The following MMACHC variants were observed in gnomAD, a reference collection of about 807,000 sequenced individuals.
The protein encoded by MMACHC is metabolism of cobalamin associated C.
MMACHC carries 14 observed loss-of-function variants against 17.6 expected under a neutral mutation model. The observed-to-expected ratio is 0.80, with a 90% CI of 0.53 to 1.25. The LOEUF (loss-of-function observed/expected upper bound fraction) is 1.25. MMACHC is among the 50% of genes most tolerant of loss of function. MMACHC has a pLI of 0.00. For missense variants in MMACHC, 392 were observed against 364.5 expected (o/e 1.08, Z -0.62); for synonymous variants, 151 against 142.1 (o/e 1.06, Z -0.45).
intron 2 of MMACHC, among the ~76,000 whole-genome samples, chr1:45,507,913 G>A (rs1029330759): frequency 6.6e-6 from 1 of 152,200 alleles, no homozygotes; most frequent in African/African-American, 2.4e-5. Context: ...TTTGAGGACA[G>A]AACAATATTC....
intron 2 of MMACHC, 69 bp downstream of exon 2, chr1:45,507,619 C>T (rs1300152626): frequency 6.5e-7 from 1 of 1,544,374 alleles, no homozygotes; most frequent in Non-Finnish European, 8.9e-7. Context: ...ACACTCAATG[C>T]AGGATCTAGA....
Position 45,508,318 on chromosome 1 carries a change from A to T in MMACHC, c.383A>T (p.Tyr128Phe). The change falls in exon 3 of 4, where the codon TAC becomes TTC. Residue 128 changes from tyrosine (Y) to phenylalanine (F), a missense_variant. By Grantham distance (22) the Tyr-to-Phe change is conservative. Transcript: ENST00000401061. ...GCAGCCCATGTAGCTGGGGCTGCTT[A>T]CTACTACCAACGACAAGATGTGGAG... ...QTAAHVAGAA[Y>F]YYQRQDVEAD... 7 of 1,614,080 alleles carry T rather than the reference A, an allele frequency of 4.3e-6. No individual in the cohort carries two copies. The highest frequency in any genetic ancestry group is 5.9e-6 in the Non-Finnish European group (7 of 1,179,934).
chr1:45,512,978 T>C lies in MMACHC; in HGVS notation c.*3763T>C, dbSNP rs1391629061. On this transcript the variant is annotated 3_prime_UTR_variant, in exon 4 of 4. Transcript: ENST00000401061. ...CCAAACATACACCACTAATCCAGAC[T>C]CTAATAACTTCATTTCCTTTAAATT... 3 of 152,114 alleles carry C rather than the reference T, an allele frequency of 2.0e-5. No individual in the cohort carries two copies. Among genetic ancestry groups the C allele is most frequent in the African/African-American group, 7.2e-5 (3 of 41,416 alleles). The allele number at this position is 152,114 out of a possible 1,614,324, so 9.4% of individuals were successfully genotyped here.
At chr1:45,505,137 A>AAG (rs1553162646) in intron 1 of MMACHC, among the ~76,000 whole-genome samples, 2 of 147,114 alleles carry the variant, frequency 1.4e-5, no homozygotes, top group Non-Finnish European at 3.0e-5. Flanking sequence ...AAAAAAAAAA[A>AAG]GGGCCGTTTT....
intron 1 of MMACHC, 144 bp downstream of exon 1, chr1:45,500,557 G>A: frequency 6.0e-6 from 5 of 833,802 alleles, no homozygotes; most frequent in South Asian, 5.6e-5. Flanking sequence ...TTCAGTGGGG[G>A]CTTGGGTTAA....
Position 45,508,896 on chromosome 1 carries a change from GA to G in MMACHC, c.534del (p.Lys178AsnfsTer32), listed in dbSNP as rs2149323872. 2 of 1,614,184 alleles carry G rather than the reference GA, an allele frequency of 1.2e-6. No homozygotes were observed. Among genetic ancestry groups the G allele is most frequent in the Non-Finnish European group, 1.7e-6 (2 of 1,180,038 alleles). On this transcript the variant is annotated frameshift_variant, in exon 4 of 4. Transcript: ENST00000401061. LOFTEE classifies it low-confidence loss of function (END_TRUNC). ...PGIEVPDLPP[R>X]KPHDCVPTRA... ...ATAGAGGTGCCAGATCTGCCACCCA[GA>G]AAACCTCATGACTGTGTACCTACAA...
At position 45,508,984 on chromosome 1, in the gene MMACHC, G is replaced by A. The variant is rs1261921629; in HGVS notation, c.618G>A (p.Arg206=). 2.5e-6 allele frequency: 4 copies of A among 1,614,186 alleles called. No individual in the cohort carries two copies. The highest frequency in any genetic ancestry group is 2.5e-6 in the Non-Finnish European group (3 of 1,180,040). ...FNFHWRDWTY[R]DAVTPQERYS... ...TCCACTGGCGTGATTGGACTTACCG[G>A]GATGCTGTGACACCCCAGGAGCGCT... is the stretch of plus-strand genomic sequence containing the variant. The change falls in exon 4 of 4, where the codon CGG becomes CGA. Residue 206 remains arginine, a synonymous_variant. Transcript: ENST00000401061.
At chr1:45,506,016 G>A (rs1399980538) in intron 1 of MMACHC, among the ~76,000 whole-genome samples, 1 of 152,142 alleles carries the variant, frequency 6.6e-6, no homozygotes. Flanking sequence ...AGATGCTCTG[G>A]ATATAGTAAA....
chr1:45,509,321 G>C lies in MMACHC; in HGVS notation c.*106G>C, dbSNP rs941271584. The C allele has an allele frequency of 7.5e-7, 1 of 1,328,386 alleles. No homozygotes were observed. The highest frequency in any genetic ancestry group is 1.5e-5 in the African/African-American group (1 of 67,872). 82.3% of individuals were successfully genotyped at this position (1,328,386 alleles called of 1,614,324 possible). On this transcript the variant is annotated 3_prime_UTR_variant, in exon 4 of 4. Transcript: ENST00000401061. ...CAAGATTACTATTTTTGATAATATA[G>C]TAGAGATCTTCCATGAAGATAACAA... is the stretch of plus-strand genomic sequence containing the variant.
Position 45,507,438 on chromosome 1 carries a change from C to T in MMACHC, c.164C>T (p.Thr55Met), listed in dbSNP as rs375330130. The change falls in exon 2 of 4, where the codon ACG becomes ATG. Residue 55 changes from threonine to methionine, a missense_variant. Physicochemically the swap from Thr to Met is moderately conservative, Grantham distance 81. Coordinates refer to ENST00000401061, the MANE Select transcript of MMACHC (RefSeq NM_015506.3). Reference sequence around the variant, plus strand: ...ACCCTGGCCTTCCTGGTACTCAGCACGCCTGCCATGTTTGACCGGGCCCTC... The same window carrying T: ...ACCCTGGCCTTCCTGGTACTCAGCATGCCTGCCATGTTTGACCGGGCCCTC... ...GPTLAFLVLS[T>M]PAMFDRALKP... 1.7e-5 allele frequency: 27 copies of T among 1,614,056 alleles called. No homozygotes were observed. Among genetic ancestry groups the T allele is most frequent in the African/African-American group, 6.7e-5 (5 of 74,908 alleles).
chr1:45,501,730 G>A (rs1251535251), intron 1 of MMACHC, among the ~76,000 whole-genome samples: 1 of 152,140 alleles, frequency 6.6e-6, no homozygotes, highest in Non-Finnish European at 1.5e-5. Context: ...GTGTGGGAGA[G>A]TGAGAATGCC....
chr1:45,505,347 C>T (rs1264582010), intron 1 of MMACHC, among the ~76,000 whole-genome samples: 1 of 151,960 alleles, frequency 6.6e-6, no homozygotes, highest in East Asian at 1.9e-4. Context: ...ACTTGGGAGG[C>T]TGAGACAGGA....
In MMACHC at chr1:45,508,208, C is replaced by T; in HGVS notation, c.277-4C>T. On this transcript the variant is annotated splice_region_variant and splice_polypyrimidine_tract_variant and intron_variant, in intron 2 of 3. Transcript: ENST00000401061. ...AGTACCCTCTATTTTGTCCACTGTT[C>T]CAGAGCCTCCCAGAGCTGCAGATAG... The T allele has an allele frequency of 6.2e-7, 1 of 1,614,100 alleles. No individual in the cohort carries two copies. The highest frequency in any genetic ancestry group is 8.5e-7 in the Non-Finnish European group (1 of 1,179,974).
chr1:45,506,509 G>A (rs1015561161), intron 1 of MMACHC, among the ~76,000 whole-genome samples: 24 of 151,668 alleles, frequency 1.6e-4, no homozygotes, highest in African/African-American at 3.4e-4. Flanking sequence ...TTTTTGAGGC[G>A]GGGGTCTCAC....
At position 45,502,706 on chromosome 1, in the gene MMACHC, CT is replaced by C. The variant is rs777142658; in HGVS notation, c.81+2308del. ...AGCATCCAAGGAAGCCTTTTCTTTTCTTTTTTTTTTTTTTTGAGATGGAGTT... is the reference window on the plus strand; with the variant it reads ...AGCATCCAAGGAAGCCTTTTCTTTTCTTTTTTTTTTTTTTGAGATGGAGTT... On this transcript the variant is annotated intron_variant, in intron 1 of 3. Transcript: ENST00000401061. Among the ~76,000 whole-genome samples, 709 of 139,540 alleles carry C rather than the reference CT, an allele frequency of 5.1e-3. 6 individuals are homozygous for C. Among genetic ancestry groups the C allele is most frequent in the Middle Eastern group, 3.8e-3 (1 of 262 alleles). The allele number at this position is 139,540 out of a possible 152,430, so 91.5% of individuals were successfully genotyped here. A position where few individuals can be genotyped will look rare whatever the true frequency, so the allele number is the denominator to read the frequency against.
intron 2 of MMACHC, 135 bp downstream of exon 2, chr1:45,507,685 A>T (rs1643655571): frequency 1.9e-6 from 2 of 1,044,718 alleles, no homozygotes; most frequent in African/African-American, 3.2e-5. Context: ...CAGGCTTGAC[A>T]TTCTGTGATC....
In MMACHC at chr1:45,509,220, C is replaced by G. The variant is rs557994288; in HGVS notation, c.*5C>G. On this transcript the variant is annotated 3_prime_UTR_variant, in exon 4 of 4. Transcript: ENST00000401061. ...CCTGCATCCCCTGGCCCTTGATTTT[C>G]TCCCATGTGGACCCTGATTTATGGT... 1.3e-5 allele frequency: 21 copies of G among 1,613,898 alleles called. No homozygotes were observed. The highest frequency in any genetic ancestry group is 1.8e-5 in the Non-Finnish European group (21 of 1,180,042).
In MMACHC at chr1:45,507,496, G is replaced by T. The variant is rs772225967; in HGVS notation, c.222G>T (p.Met74Ile). The T allele has an allele frequency of 6.2e-7, 1 of 1,614,156 alleles. No individual in the cohort carries two copies. The highest frequency in any genetic ancestry group is 1.3e-5 in the African/African-American group (1 of 75,034). ...TCTTGCAGAGCTGCCACCTCCGAAT[G>T]CTGACTGACCCAGTGGACCAGTGTG... ...KPFLQSCHLR[M>I]LTDPVDQCVA... Residue 74 changes from methionine (M) to isoleucine (I), a missense_variant, in exon 2 of 4, where the codon ATG becomes ATT. By Grantham distance (10) the Met-to-Ile change is conservative. Coordinates refer to ENST00000401061, the MANE Select transcript of MMACHC (RefSeq NM_015506.3).
At chr1:45,508,114 G>C in intron 2 of MMACHC, 98 bp from the exon 3 acceptor site, 1 of 1,439,642 alleles carries the variant, frequency 6.9e-7, no homozygotes, top group Non-Finnish European at 9.8e-7. Flanking sequence ...CTGAGGACAG[G>C]ACCATGTTCA....
Sources: allele counts gnomAD v4.1 joint callset (sites outside exome capture counted in the v4.1 genomes callset), GRCh38; gene constraint gnomAD v4.1.1; transcripts MANE v1.5; gene names NCBI Gene and HGNC (gene_info 2026-07-23, HGNC 2026-07-21).